The following CFAP61 variants were observed in gnomAD, a reference collection of about 807,000 sequenced individuals.
The protein encoded by CFAP61 is cilia and flagella associated protein 61, also known as cilia- and flagella-associated protein 61.
In CFAP61, 107 loss-of-function variants were observed where a neutral mutation model predicts 135.6. The ratio of observed to expected loss-of-function variants is 0.79; its 90% confidence interval spans 0.67 to 0.93. CFAP61 has a LOEUF of 0.93. Ranked by LOEUF, CFAP61 falls within the 40% of genes least tolerant of loss-of-function variation. CFAP61 has a pLI of 0.00. For synonymous variants in CFAP61, 575 were observed against 578.5 expected (o/e 0.99, Z 0.09); for missense variants, 1,507 against 1,556.2 (o/e 0.97, Z 0.53).
chr20:20,238,612 G>A (rs77556915), intron 18 of CFAP61, among the ~76,000 whole-genome samples: 1,896 of 152,282 alleles, frequency 0.012, 37 homozygotes, highest in African/African-American at 0.044. Context: ...ACTAGCGATC[G>A]CCTAGCAGGC....
At chr20:20,098,838 C>A in intron 8 of CFAP61, 24 bp downstream of exon 8, 1 of 1,596,378 alleles carries the variant, frequency 6.3e-7, no homozygotes, top group Non-Finnish European at 8.5e-7. Context: ...CACAGGGACA[C>A]ACTGGGAAAT....
At chr20:20,196,958 G>A (rs893385852) in intron 16 of CFAP61, among the ~76,000 whole-genome samples, 182 bp downstream of exon 16, 2 of 152,070 alleles carry the variant, frequency 1.3e-5, no homozygotes, top group South Asian at 2.1e-4. Flanking sequence ...TGTAGGCTTC[G>A]AATTTCTGAC....
chr20:20,255,589 T>C (rs1379019687), intron 20 of CFAP61, among the ~76,000 whole-genome samples: 1 of 152,108 alleles, frequency 6.6e-6, no homozygotes, highest in Non-Finnish European at 1.5e-5. Flanking sequence ...GCAGCCCAGG[T>C]GACAGCCTTC....
At chr20:20,065,764 GA>G (rs1002400340) in intron 2 of CFAP61, among the ~76,000 whole-genome samples, 6 of 152,174 alleles carry the variant, frequency 3.9e-5, no homozygotes, top group African/African-American at 1.4e-4. Context: ...CATGGCCGAT[GA>G]GTGGGGAAAG....
chr20:20,213,737 C>G (rs2047832183), intron 17 of CFAP61, among the ~76,000 whole-genome samples: 1 of 151,996 alleles, frequency 6.6e-6, no homozygotes, highest in African/African-American at 2.4e-5. Context: ...ATGTAATTAT[C>G]AATATAAGGA....
chr20:20,356,208 T>C lies in CFAP61; in HGVS notation c.3514-4002T>C, dbSNP rs183189476. 9.1e-5 allele frequency among the ~76,000 whole-genome samples: 9 copies of C among 98,390 alleles called. 2 individuals carry two copies. The East Asian group carries it at 1.9e-3, about 21-fold the overall frequency. The allele number at this position is 98,390 out of a possible 152,430, so 64.5% of individuals were successfully genotyped here. The stretch of plus-strand genomic sequence containing the variant: ...TGGTCACACTGAGGGGAGGTGGTCA[T>C]ACTGTGAGTGAGGAGCTAGTCACAC... On this transcript the variant is annotated intron_variant, in intron 26 of 26. Transcript: ENST00000245957.
chr20:20,277,571 T>G lies in CFAP61; in HGVS notation c.2796+113T>G, dbSNP rs146727266. The G allele has an allele frequency of 4.0e-4, 484 of 1,217,790 alleles. 1 individual carries two copies. In the East Asian group the frequency reaches 0.011, roughly 28 times the overall value. The allele number at this position is 1,217,790 out of a possible 1,614,324, so 75.4% of individuals were successfully genotyped here. A position where few individuals can be genotyped will look rare whatever the true frequency, so the allele number is the denominator to read the frequency against. On this transcript the variant is annotated intron_variant, in intron 22 of 26. Transcript: ENST00000245957. The stretch of plus-strand genomic sequence containing the variant: ...GAATTTGTAGTACCAGATGTTGGAT[T>G]TTGTTTTCTGTGTGTTCAGATTACC...
At chr20:20,307,776 T>G (rs924192833) in intron 25 of CFAP61, among the ~76,000 whole-genome samples, 6 of 152,248 alleles carry the variant, frequency 3.9e-5, no homozygotes, top group African/African-American at 1.4e-4. Context: ...AAGTGAGAAA[T>G]CTGGTGCTTT....
At chr20:20,059,786 G>A (rs988341616) in intron 2 of CFAP61, among the ~76,000 whole-genome samples, 3 of 152,006 alleles carry the variant, frequency 2.0e-5, no homozygotes, top group African/African-American at 7.2e-5. Flanking sequence ...TGAGCTGGAG[G>A]ATCAATACCA....
chr20:20,137,723 G>A (rs1170441693), intron 8 of CFAP61, among the ~76,000 whole-genome samples: 2 of 152,186 alleles, frequency 1.3e-5, no homozygotes, highest in Non-Finnish European at 2.9e-5. Flanking sequence ...GACCCTAAGA[G>A]CCTGTTTGGT....
chr20:20,209,318 G>A (rs1805833483), intron 17 of CFAP61, among the ~76,000 whole-genome samples: 1 of 152,134 alleles, frequency 6.6e-6, no homozygotes, highest in African/African-American at 2.4e-5. Flanking sequence ...CAGCACATTT[G>A]TTTTGATTTC....
At chr20:20,113,434 G>A (rs527284038) in intron 8 of CFAP61, among the ~76,000 whole-genome samples, 1 of 152,130 alleles carries the variant, frequency 6.6e-6, no homozygotes, top group South Asian at 2.1e-4. Flanking sequence ...GTTTAGCTTT[G>A]AATTACATTT....
intron 9 of CFAP61, among the ~76,000 whole-genome samples, chr20:20,154,155 A>G (rs1265068553): frequency 5.3e-5 from 8 of 152,224 alleles, no homozygotes; most frequent in Non-Finnish European, 1.2e-4. Flanking sequence ...AAAATCCAGC[A>G]TTCCTGTAGG....
intron 1 of CFAP61, among the ~76,000 whole-genome samples, chr20:20,055,685 A>G (rs1010836708): frequency 2.0e-5 from 3 of 152,216 alleles, no homozygotes; most frequent in Non-Finnish European, 4.4e-5. Flanking sequence ...TTAGTTTATG[A>G]TATGTTTCAC....
At chr20:20,138,576 A>C (rs2051124573) in intron 8 of CFAP61, among the ~76,000 whole-genome samples, 1 of 152,184 alleles carries the variant, frequency 6.6e-6, no homozygotes, top group Non-Finnish European at 1.5e-5. Flanking sequence ...CTGCCAGGGG[A>C]ATGGGGAAAG....
intron 18 of CFAP61, among the ~76,000 whole-genome samples, chr20:20,235,389 A>G (rs1244938828): frequency 2.0e-5 from 3 of 152,028 alleles, no homozygotes; most frequent in Non-Finnish European, 4.4e-5. Context: ...GCAGATTTTC[A>G]GGCCCCACCC....
intron 22 of CFAP61, among the ~76,000 whole-genome samples, chr20:20,278,772 T>G (rs1481396369): frequency 6.6e-6 from 1 of 152,112 alleles, no homozygotes; most frequent in East Asian, 1.9e-4. Context: ...AAAGGAAGAT[T>G]TTTTTTAGAA....
chr20:20,056,600 A>G lies in CFAP61; in HGVS notation c.-36-18A>G, dbSNP rs1387757127. The G allele has an allele frequency of 1.3e-6, 2 of 1,575,530 alleles. No individual in the cohort carries two copies. The highest frequency in any genetic ancestry group is 4.5e-5 in the East Asian group (2 of 44,676). On this transcript the variant is annotated intron_variant, in intron 1 of 26. Transcript: ENST00000245957. ...GTGTGTATTATAACCAAACTGGCTT[A>G]TCATATCAGATTAATAGTGGACTTT...
At chr20:20,105,771 A>G (rs2048339377) in intron 8 of CFAP61, among the ~76,000 whole-genome samples, 1 of 148,710 alleles carries the variant, frequency 6.7e-6, no homozygotes, top group Admixed American at 6.7e-5. Context: ...AGCTGGGACT[A>G]CAGGCGCCTG....
Sources: allele counts gnomAD v4.1 joint callset (sites outside exome capture counted in the v4.1 genomes callset), GRCh38; gene constraint gnomAD v4.1.1; transcripts MANE v1.5; gene names NCBI Gene and HGNC (gene_info 2026-07-23, HGNC 2026-07-21).